ADAMTS15: variants seen among roughly 807,000 people sequenced by gnomAD.
ADAMTS15 encodes ADAM metallopeptidase with thrombospondin type 1 motif 15.
In ADAMTS15, 35 loss-of-function variants were observed where a neutral mutation model predicts 79.1. The observed-to-expected ratio is 0.44, with a 90% CI of 0.34 to 0.59. The LOEUF (loss-of-function observed/expected upper bound fraction) is 0.59. ADAMTS15 is among the 20% of genes least tolerant of loss of function. ADAMTS15 has a pLI of 0.02. For missense variants in ADAMTS15, 1,324 were observed against 1,318.7 expected (o/e 1.00, Z -0.06); for synonymous variants, 616 against 567.3 (o/e 1.09, Z -1.22).
At chr11:130,469,069 G>A (rs553821496) in intron 4 of ADAMTS15, among the ~76,000 whole-genome samples, 193 bp from the exon 5 acceptor site, 2 of 152,148 alleles carry the variant, frequency 1.3e-5, no homozygotes, top group East Asian at 3.9e-4. Flanking sequence ...CTCATTAGTT[G>A]GTTGGAATGT....
At chr11:130,470,134 A>ACATG (rs1555081000) in intron 5 of ADAMTS15, among the ~76,000 whole-genome samples, 7 of 71,008 alleles carry the variant, frequency 9.9e-5, no homozygotes, top group African/African-American at 4.2e-4. Context: ...ATATATATAC[A>ACATG]TATATATATA....
rs865931178 is a variant in ADAMTS15, at chr11:130,449,984, C to T, written c.957+54C>T. 2 of 1,569,150 alleles carry T rather than the reference C, an allele frequency of 1.3e-6. No individual in the cohort carries two copies. The highest frequency in any genetic ancestry group is 8.6e-7 in the Non-Finnish European group (1 of 1,161,754). On this transcript the variant is annotated intron_variant, in intron 1 of 7. Coordinates refer to ENST00000299164, the MANE Select transcript of ADAMTS15 (RefSeq NM_139055.4). This position sits in a 1 kb window ranked among gnomAD's most constrained non-coding sequence, Gnocchi z 7.8. ...CAGATAGTCCCGTTCTTTAGGGTCA[C>T]CTCCCCTAGCGCTCCAAATCCCCTT...
At chr11:130,451,295 A>G (rs1000203797) in intron 1 of ADAMTS15, among the ~76,000 whole-genome samples, 4 of 152,174 alleles carry the variant, frequency 2.6e-5, no homozygotes, top group African/African-American at 7.2e-5. Flanking sequence ...TGGCGCACAC[A>G]GTCTGGAGCT....
At position 130,469,496 on chromosome 11, in the gene ADAMTS15, C is replaced by T. The variant is rs547031324; in HGVS notation, c.1720+57C>T. 100 of 1,239,090 alleles carry T rather than the reference C, an allele frequency of 8.1e-5. No homozygotes were observed. In the African/African-American group the frequency reaches 8.7e-4, roughly 11 times the overall value. The allele number at this position is 1,239,090 out of a possible 1,614,324, so 76.8% of individuals were successfully genotyped here. A position where few individuals can be genotyped will look rare whatever the true frequency, so the allele number is the denominator to read the frequency against. Reference sequence around the variant, plus strand: ...CCAGGGGAGGTGAGGCTGGAGGTCCCCCCACCCCACCCCTACTCCATGTAA... The same window carrying T: ...CCAGGGGAGGTGAGGCTGGAGGTCCTCCCACCCCACCCCTACTCCATGTAA... On this transcript the variant is annotated intron_variant, in intron 5 of 7. Transcript: ENST00000299164.
chr11:130,469,424 C>A lies in ADAMTS15; in HGVS notation c.1705C>A (p.Pro569Thr), dbSNP rs143767322. 2.0e-4 allele frequency: 268 copies of A among 1,341,336 alleles called. 2 individuals are homozygous for A. The African/African-American group carries it at 3.7e-3, about 18-fold the overall frequency. The allele number at this position is 1,341,336 out of a possible 1,614,324, so 83.1% of individuals were successfully genotyped here. The stretch of plus-strand genomic sequence containing the variant: ...GAAATACCGATCCTGCAATCTGGAG[C>A]CCTGCCCCAGCTCAGGTGAGGTGGG... Reference protein sequence around the residue: ...RVKYRSCNLEPCPSSASGKSF... With the variant: ...RVKYRSCNLETCPSSASGKSF... Residue 569 changes from proline (P) to threonine (T), a missense_variant, in exon 5 of 8, where the codon CCC becomes ACC. Pro to Thr is a conservative substitution (Grantham distance 38). Coordinates refer to ENST00000299164, the MANE Select transcript of ADAMTS15 (RefSeq NM_139055.4).
chr11:130,466,650 C>G (rs1009969014), intron 4 of ADAMTS15, among the ~76,000 whole-genome samples: 1 of 152,218 alleles, frequency 6.6e-6, no homozygotes, highest in African/African-American at 2.4e-5. Context: ...ACTGGTCTCC[C>G]TGCTTCTGAT....
intron 1 of ADAMTS15, 130 bp downstream of exon 1, chr11:130,450,060 C>T: frequency 6.7e-7 from 1 of 1,482,626 alleles, no homozygotes; most frequent in Non-Finnish European, 8.9e-7. Context: ...CTTCCGACTC[C>T]AACTCTGTGG....
At chr11:130,470,672 AC>A (rs1938431018) in intron 5 of ADAMTS15, among the ~76,000 whole-genome samples, 1 of 152,156 alleles carries the variant, frequency 6.6e-6, no homozygotes, top group African/African-American at 2.4e-5. Context: ...ATAGTTTGCA[AC>A]CTAGAGGGAG....
chr11:130,449,483 C>A lies in ADAMTS15; in HGVS notation c.510C>A (p.Pro170=), dbSNP rs1366445572. 6.4e-7 allele frequency: 1 copy of A among 1,561,542 alleles called. No individual in the cohort carries two copies. Among genetic ancestry groups the A allele is most frequent in the Non-Finnish European group, 8.6e-7 (1 of 1,156,696 alleles). Reference sequence around the variant, plus strand: ...TTCCGGGCGGGCCTTCCGGAGACCCCACCTCTCGCTGCGGGGTGGCCTCGG... The same window carrying A: ...TTCCGGGCGGGCCTTCCGGAGACCCAACCTCTCGCTGCGGGGTGGCCTCGG... ...RGVPGGPSGD[P]TSRCGVASGW... is the part of the protein sequence containing the mutation. The change falls in exon 1 of 8, where the codon CCC becomes CCA. Residue 170 remains proline, a synonymous_variant. Transcript: ENST00000299164. This position sits in a 1 kb window ranked among gnomAD's most constrained non-coding sequence, Gnocchi z 7.8.
At chr11:130,454,361 G>C (rs1206427236) in intron 1 of ADAMTS15, among the ~76,000 whole-genome samples, 1 of 152,160 alleles carries the variant, frequency 6.6e-6, no homozygotes, top group African/African-American at 2.4e-5. Flanking sequence ...TGTTTCATTG[G>C]GGATGCCCTA....
chr11:130,463,689 A>G (rs1938248597), intron 4 of ADAMTS15, among the ~76,000 whole-genome samples: 3 of 152,198 alleles, frequency 2.0e-5, no homozygotes, highest in South Asian at 2.1e-4. Flanking sequence ...CTGGGGATAC[A>G]TGTCTAATTA....
chr11:130,449,405 G>T lies in ADAMTS15; in HGVS notation c.432G>T (p.Ala144=). The change falls in exon 1 of 8, where the codon GCG becomes GCT. Residue 144 remains alanine, a synonymous_variant. Coordinates refer to ENST00000299164, the MANE Select transcript of ADAMTS15 (RefSeq NM_139055.4). This position sits in a 1 kb window ranked among gnomAD's most constrained non-coding sequence, Gnocchi z 7.8. ...YVISPLPNAS[A]PAAQRNSQGA... ...TTAGCCCGCTGCCCAATGCTAGCGC[G>T]CCGGCGGCGCAGCGCAACAGCCAGG... 1.3e-6 allele frequency: 2 copies of T among 1,598,350 alleles called. No individual in the cohort carries two copies. Among genetic ancestry groups the T allele is most frequent in the Middle Eastern group, 1.7e-4 (1 of 6,018 alleles).
In ADAMTS15 at chr11:130,449,487, T is replaced by TG; in HGVS notation, c.514_515insG (p.Ser172CysfsTer32). On this transcript the variant is annotated frameshift_variant, in exon 1 of 8. Coordinates refer to ENST00000299164, the MANE Select transcript of ADAMTS15 (RefSeq NM_139055.4). LOFTEE classifies it high-confidence loss of function. The surrounding 1 kb of genome is among the most constrained non-coding windows in gnomAD (Gnocchi z 7.8). The stretch of plus-strand genomic sequence containing the variant: ...GGGCGGGCCTTCCGGAGACCCCACC[T>TG]CTCGCTGCGGGGTGGCCTCGGGCTG... 2 of 1,559,378 alleles carry TG rather than the reference T, an allele frequency of 1.3e-6. No homozygotes were observed. Among genetic ancestry groups the TG allele is most frequent in the Non-Finnish European group, 1.7e-6 (2 of 1,155,492 alleles).
At position 130,462,284 on chromosome 11, in the gene ADAMTS15, G is replaced by T. The variant is rs755380380; in HGVS notation, c.1258+30G>T. The T allele has an allele frequency of 1.4e-5, 22 of 1,590,470 alleles. No homozygotes were observed. The South Asian group carries it at 2.5e-4, about 18-fold the overall frequency. The stretch of plus-strand genomic sequence containing the variant: ...GCCAGGACGGCGGGAGGGCAATGAG[G>T]CCGCCTCGGAGGGGGCTTTGCTGCT... On this transcript the variant is annotated intron_variant, in intron 3 of 7. Transcript: ENST00000299164. This position sits in a 1 kb window ranked among gnomAD's most constrained non-coding sequence, Gnocchi z 4.3.
chr11:130,452,758 G>A (rs1212843625), intron 1 of ADAMTS15, among the ~76,000 whole-genome samples: 2 of 152,258 alleles, frequency 1.3e-5, no homozygotes, highest in African/African-American at 4.8e-5. Flanking sequence ...CAAGACAGGT[G>A]GATCATGAGG....
In ADAMTS15 at chr11:130,473,042, G is replaced by A. The variant is rs376524343; in HGVS notation, c.2079-5G>A. On this transcript the variant is annotated splice_region_variant and splice_polypyrimidine_tract_variant and intron_variant, in intron 7 of 7. Coordinates refer to ENST00000299164, the MANE Select transcript of ADAMTS15 (RefSeq NM_139055.4). The stretch of plus-strand genomic sequence containing the variant: ...CTGATGCACGGCCCCCCTTTCCCCC[G>A]CCAGGCATGGCTACAATTTCGTGGT... The A allele has an allele frequency of 6.3e-5, 102 of 1,611,950 alleles. No homozygotes were observed. In the Middle Eastern group the frequency reaches 9.9e-4, roughly 16 times the overall value.
chr11:130,462,453 C>T lies in ADAMTS15; in HGVS notation c.1259-44C>T, dbSNP rs1156313475. On this transcript the variant is annotated intron_variant, in intron 3 of 7. Transcript: ENST00000299164. This position sits in a 1 kb window ranked among gnomAD's most constrained non-coding sequence, Gnocchi z 4.3. ...TTCAGATTCTGGGCTAGCCAAACCT[C>T]ATCTTCCCAGCTCATCCTAACGAAC... 6.5e-7 allele frequency: 1 copy of T among 1,548,260 alleles called. No homozygotes were observed. Among genetic ancestry groups the T allele is most frequent in the Non-Finnish European group, 8.8e-7 (1 of 1,142,694 alleles).
chr11:130,471,153 G>A, intron 6 of ADAMTS15, 52 bp downstream of exon 6: 1 of 1,591,850 alleles, frequency 6.3e-7, no homozygotes, highest in South Asian at 1.2e-5. Flanking sequence ...CTTCCGGGGA[G>A]CATCAGCTGA....
At chr11:130,457,051 G>A (rs1218537942) in intron 1 of ADAMTS15, among the ~76,000 whole-genome samples, 3 of 151,994 alleles carry the variant, frequency 2.0e-5, no homozygotes, top group Non-Finnish European at 4.4e-5. Context: ...TGGCCAACAC[G>A]GTGAAACCCA....
Sources: gnomAD v4.1 joint callset for allele counts (sites outside exome capture counted in the v4.1 genomes callset) on GRCh38, gnomAD v4.1.1 for gene constraint, Gnocchi (gnomAD v3.1) non-coding constraint, MANE v1.5 for transcripts, NCBI Gene and HGNC (gene_info 2026-07-23, HGNC 2026-07-21) for gene names.